NT5M: variants seen among roughly 807,000 people sequenced by gnomAD.
NT5M encodes the protein 5',3'-nucleotidase, mitochondrial.
NT5M carries 22 observed loss-of-function variants against 22.2 expected under a neutral mutation model. The ratio of observed to expected loss-of-function variants is 0.99; its 90% CI spans 0.71 to 1.41. The LOEUF is 1.41. NT5M is among the 40% of genes most tolerant of loss of function. The probability of loss-of-function intolerance (pLI) is 0.00; values close to 1 mark genes in which losing one functional copy is unlikely to be tolerated. For missense variants in NT5M, 322 were observed against 314.8 expected (o/e 1.02, Z -0.17); for synonymous variants, 167 against 133.0 (o/e 1.26, Z -1.76).
At chr17:17,329,633 A>G (rs990848178) in intron 3 of NT5M, among the ~76,000 whole-genome samples, 1 of 152,176 alleles carries the variant, frequency 6.6e-6, no homozygotes, top group African/African-American at 2.4e-5. Flanking sequence ...TGGTTTCCAG[A>G]TGACATGTCT....
chr17:17,342,932 A>G (rs2049676618), intron 3 of NT5M, among the ~76,000 whole-genome samples: 1 of 152,294 alleles, frequency 6.6e-6, no homozygotes, highest in Admixed American at 6.5e-5. Flanking sequence ...TATTGGCTAA[A>G]TTACTACACA....
chr17:17,323,308 C>A, intron 3 of NT5M, 63 bp downstream of exon 3: 2 of 1,332,890 alleles, frequency 1.5e-6, no homozygotes, highest in Non-Finnish European at 1.1e-6. Flanking sequence ...GGGTACGGGG[C>A]TCAGCCTGCC....
intron 2 of NT5M, among the ~76,000 whole-genome samples, chr17:17,312,712 A>G (rs2048946213): frequency 6.6e-6 from 1 of 151,384 alleles, no homozygotes; most frequent in South Asian, 2.1e-4. Flanking sequence ...TAATCCCATC[A>G]CTTTGGGAGA....
At chr17:17,308,847 A>G (rs2048865346) in intron 2 of NT5M, among the ~76,000 whole-genome samples, 3 of 152,274 alleles carry the variant, frequency 2.0e-5, no homozygotes, top group Admixed American at 6.5e-5. Context: ...ATGGCATCAT[A>G]TAATATGTGG....
chr17:17,334,730 T>G (rs948402012), intron 3 of NT5M, among the ~76,000 whole-genome samples: 12 of 152,266 alleles, frequency 7.9e-5, no homozygotes, highest in African/African-American at 2.9e-4. Context: ...CACTTTGGCC[T>G]CCCAAAGTGC....
intron 2 of NT5M, among the ~76,000 whole-genome samples, chr17:17,307,137 G>C (rs1443032516): frequency 6.6e-6 from 1 of 152,084 alleles, no homozygotes. Flanking sequence ...GGTGGAGGTT[G>C]TGGTGAGCCG....
chr17:17,318,496 A>AG lies in NT5M; in HGVS notation c.369-4689_369-4688insG, dbSNP rs1177534482. 3.5e-5 allele frequency among the ~76,000 whole-genome samples: 5 copies of AG among 144,910 alleles called. No homozygotes were observed. The East Asian group carries it at 1.0e-3, about 30-fold the overall frequency. On this transcript the variant is annotated intron_variant, in intron 2 of 4. Transcript: ENST00000389022. ...ACTCTGTCTCAAAAAAAAAAAAAAAAAAAAAAAGTCTGGGCGCAGTGGCTC... is the reference window on the plus strand; with the variant it reads ...ACTCTGTCTCAAAAAAAAAAAAAAAAGAAAAAAAGTCTGGGCGCAGTGGCTC...
Position 17,306,523 on chromosome 17 carries a change from T to A in NT5M, c.268-20T>A. The A allele has an allele frequency of 6.3e-7, 1 of 1,589,024 alleles. No individual in the cohort carries two copies. The highest frequency in any genetic ancestry group is 8.6e-7 in the Non-Finnish European group (1 of 1,157,274). On this transcript the variant is annotated intron_variant, in intron 1 of 4. Coordinates refer to ENST00000389022, the MANE Select transcript of NT5M (RefSeq NM_020201.4). ...GGTGCTGAGGACCCTGGAAGTAACTTGCTTTTCTCAACTTCTCAGGAGAAG... is the reference window on the plus strand; with the variant it reads ...GGTGCTGAGGACCCTGGAAGTAACTAGCTTTTCTCAACTTCTCAGGAGAAG...
intron 2 of NT5M, among the ~76,000 whole-genome samples, chr17:17,307,049 T>G (rs966532528): frequency 6.6e-6 from 1 of 151,758 alleles, no homozygotes; most frequent in African/African-American, 2.4e-5. Context: ...AATAAAAAAG[T>G]TAGCCGGGCA....
At chr17:17,313,429 G>A (rs1016207686) in intron 2 of NT5M, among the ~76,000 whole-genome samples, 3 of 152,184 alleles carry the variant, frequency 2.0e-5, no homozygotes, top group Admixed American at 2.0e-4. Context: ...TCTTAAATTG[G>A]TAGAAGATTC....
At chr17:17,322,079 A>G (rs1052582315) in intron 2 of NT5M, among the ~76,000 whole-genome samples, 6 of 152,092 alleles carry the variant, frequency 3.9e-5, no homozygotes, top group Admixed American at 3.3e-4. Flanking sequence ...ATGCACACAC[A>G]TATATGTGGA....
At chr17:17,337,077 G>A (rs898254758) in intron 3 of NT5M, among the ~76,000 whole-genome samples, 1 of 152,036 alleles carries the variant, frequency 6.6e-6, no homozygotes, top group African/African-American at 2.4e-5. Flanking sequence ...GTGTACAAGG[G>A]TTTTATTTTC....
rs370095886 is a variant in NT5M at position 17,346,267 on chromosome 17, CG to C, written c.545-535del. On this transcript the variant is annotated intron_variant, in intron 4 of 4. Transcript: ENST00000389022. ...ATCTCCAGCCACAGGTTGTTGGGGGCGGGTGTATAACCCAAAGGGGTGGCAT... is the reference window on the plus strand; with the variant it reads ...ATCTCCAGCCACAGGTTGTTGGGGGCGGTGTATAACCCAAAGGGGTGGCAT... Among the ~76,000 whole-genome samples, 1,276 of 152,182 alleles carry C rather than the reference CG, an allele frequency of 8.4e-3. 29 individuals carry two copies. The highest frequency in any genetic ancestry group is 0.029 in the African/African-American group (1,223 of 41,516).
chr17:17,344,574 C>T (rs781020171), intron 3 of NT5M, among the ~76,000 whole-genome samples: 38 of 152,166 alleles, frequency 2.5e-4, no homozygotes, highest in Non-Finnish European at 5.0e-4. Flanking sequence ...TTTCTAGCTA[C>T]TGGAGTGTGG....
In NT5M at chr17:17,331,092, G is replaced by GT. The variant is rs960415171; in HGVS notation, c.429+7849dup. Reference sequence around the variant, plus strand: ...TCCAGTTGCTCCAGTACGTTTTCCAGTTACTCCCTGTAGGACTTAGGCTAA... The same window carrying GT: ...TCCAGTTGCTCCAGTACGTTTTCCAGTTTACTCCCTGTAGGACTTAGGCTAA... On this transcript the variant is annotated intron_variant, in intron 3 of 4. Transcript: ENST00000389022. Among the ~76,000 whole-genome samples, 73 of 151,652 alleles carry GT rather than the reference G, an allele frequency of 4.8e-4. 4 individuals are homozygous for GT. The highest frequency in any genetic ancestry group is 1.7e-3 in the African/African-American group (71 of 41,000).
rs542647984 is a variant in NT5M at position 17,315,562 on chromosome 17, G to A, written c.369-7623G>A. Reference sequence around the variant, plus strand: ...AGAATGAATGGGCCAGTGAAGAGTCGGGACAGGCCTTGCAGGCCAGGAGAG... The same window carrying A: ...AGAATGAATGGGCCAGTGAAGAGTCAGGACAGGCCTTGCAGGCCAGGAGAG... On this transcript the variant is annotated intron_variant, in intron 2 of 4. Coordinates refer to ENST00000389022, the MANE Select transcript of NT5M (RefSeq NM_020201.4). Among the ~76,000 whole-genome samples the A allele has an allele frequency of 1.4e-3, 215 of 152,042 alleles. 1 individual carries two copies. Among genetic ancestry groups the A allele is most frequent in the Non-Finnish European group, 2.4e-3 (165 of 68,004 alleles).
At position 17,309,732 on chromosome 17, in the gene NT5M, G is replaced by C. The variant is rs528437573; in HGVS notation, c.368+3089G>C. Among the ~76,000 whole-genome samples, 3 of 147,238 alleles carry C rather than the reference G, an allele frequency of 2.0e-5. No individual in the cohort carries two copies. In the East Asian group the frequency reaches 6.0e-4, roughly 29 times the overall value. ...TTTGAGACAGAGTTGCTGACCTTGG[G>C]TCAGCAATGGCTTCTTCATATGACA... On this transcript the variant is annotated intron_variant, in intron 2 of 4. Coordinates refer to ENST00000389022, the MANE Select transcript of NT5M (RefSeq NM_020201.4).
chr17:17,303,662 G>C lies in NT5M; in HGVS notation c.112G>C (p.Val38Leu), dbSNP rs1012497145. 50 of 1,558,598 alleles carry C rather than the reference G, an allele frequency of 3.2e-5. No homozygotes were observed. The highest frequency in any genetic ancestry group is 4.2e-5 in the Non-Finnish European group (48 of 1,154,296). Residue 38 changes from valine (V) to leucine (L), a missense_variant, in exon 1 of 5, where the codon GTG becomes CTG. Physicochemically the swap from Val to Leu is conservative, Grantham distance 32 (BLOSUM62 1). Coordinates refer to ENST00000389022, the MANE Select transcript of NT5M (RefSeq NM_020201.4). ...CCTGGCGGGAGGCCGCGCCCTACGG[G>C]TGCTGGTGGACATGGACGGCGTGCT... ...LGLAGGRALRVLVDMDGVLAD... is the reference protein window; with the variant it reads ...LGLAGGRALRLLVDMDGVLAD...
At chr17:17,303,841 C>G in intron 1 of NT5M, 24 bp downstream of exon 1, 1 of 1,367,854 alleles carries the variant, frequency 7.3e-7, no homozygotes, top group South Asian at 1.6e-5. Context: ...CCCCGCCCCG[C>G]GCCGGGCCTC....
Sources: gnomAD v4.1 joint callset for allele counts (sites outside exome capture counted in the v4.1 genomes callset) on GRCh38, gnomAD v4.1.1 for gene constraint, MANE v1.5 for transcripts, NCBI Gene and HGNC (gene_info 2026-07-23, HGNC 2026-07-21) for gene names.